EPB41L2: variants seen among roughly 807,000 people sequenced by gnomAD.
The protein encoded by EPB41L2 is band 4.1-like protein 2.
EPB41L2 carries 43 observed loss-of-function variants against 113.0 expected under a neutral mutation model. That is an observed-to-expected ratio of 0.38 (90% CI 0.30 to 0.49). The LOEUF (loss-of-function observed/expected upper bound fraction) is 0.49, where lower values mean the gene tolerates loss of function less well. Among genes scored for constraint, EPB41L2 ranks in the 20% least tolerant of loss-of-function variants. The pLI is 0.95. For missense variants in EPB41L2, 1,147 were observed against 1,223.4 expected, an observed-to-expected ratio of 0.94 and a Z score of 0.93; for synonymous variants, 442 against 436.7, an observed-to-expected ratio of 1.01 and a Z score of -0.15.
At chr6:130,917,497 A>G (rs899203063) in intron 4 of EPB41L2, among the ~76,000 whole-genome samples, 6 of 152,116 alleles carry the variant, frequency 3.9e-5, no homozygotes, top group African/African-American at 1.4e-4. Flanking sequence ...CCTGCCTTCA[A>G]CAAGAATCCT....
chr6:130,869,564 T>C lies in EPB41L2; in HGVS notation c.2606A>G (p.Glu869Gly). ...DVLPQIICCSEPPVVKTEMVT... is the reference protein window; with the variant it reads ...DVLPQIICCSGPPVVKTEMVT... ...CTCCCACCTGGGACTCCCATTTACC[T>C]CTGAACAACAAATAATTTGTGGCAA... is the stretch of plus-strand genomic sequence containing the variant. The change falls in exon 15 of 20, where the codon GAG becomes GGG. Residue 869 changes from glutamate to glycine, a missense_variant and splice_region_variant. Glu to Gly is a moderately conservative substitution (Grantham distance 98). Transcript: ENST00000337057. 2 of 1,613,636 alleles carry C rather than the reference T, an allele frequency of 1.2e-6. No homozygotes were observed. Among genetic ancestry groups the C allele is most frequent in the Non-Finnish European group, 8.5e-7 (1 of 1,179,714 alleles).
intron 1 of EPB41L2, among the ~76,000 whole-genome samples, chr6:130,960,762 C>G (rs773203552): frequency 6.6e-6 from 1 of 152,134 alleles, no homozygotes; most frequent in Non-Finnish European, 1.5e-5. Flanking sequence ...CATCCACTCA[C>G]CCTAATTATC....
intron 3 of EPB41L2, among the ~76,000 whole-genome samples, chr6:130,951,099 A>G (rs956794999): frequency 2.0e-5 from 3 of 151,946 alleles, no homozygotes; most frequent in Non-Finnish European, 4.4e-5. Context: ...TCTACCAAAA[A>G]TACAAAAATT....
rs1775066554 is a variant in EPB41L2, at chr6:130,840,276, G to GA, written c.*327_*328insT. ...CTTTGTTCACTGTCATTTGATCAAA[G>GA]TGAGTCATTAAAAGCAGGTAGTTGC... On this transcript the variant is annotated 3_prime_UTR_variant, in exon 20 of 20. Coordinates refer to ENST00000337057, the MANE Select transcript of EPB41L2 (RefSeq NM_001431.4). 6.6e-6 allele frequency: 1 copy of GA among 152,570 alleles called. No homozygotes were observed. Among genetic ancestry groups the GA allele is most frequent in the Admixed American group, 6.5e-5 (1 of 15,272 alleles). The allele number at this position is 152,570 out of a possible 1,614,324, so 9.5% of individuals were successfully genotyped here.
chr6:130,951,250 C>T (rs1814836453), intron 3 of EPB41L2, among the ~76,000 whole-genome samples: 1 of 97,808 alleles, frequency 1.0e-5, no homozygotes. Flanking sequence ...GAGCAACTGT[C>T]TCCAAAAAAA....
At chr6:130,945,953 A>G (rs1812664401) in intron 3 of EPB41L2, among the ~76,000 whole-genome samples, 1 of 152,168 alleles carries the variant, frequency 6.6e-6, no homozygotes, top group Non-Finnish European at 1.5e-5. Flanking sequence ...AGAGACACCC[A>G]AAAATTCTCT....
intron 18 of EPB41L2, among the ~76,000 whole-genome samples, chr6:130,860,572 G>A (rs1199428734): frequency 4.6e-5 from 7 of 151,916 alleles, no homozygotes; most frequent in East Asian, 1.9e-4. Flanking sequence ...TCGCTCTGTC[G>A]CCCAGGCTGG....
At chr6:131,037,281 T>C (rs2128178580) in intron 1 of EPB41L2, among the ~76,000 whole-genome samples, 1 of 152,298 alleles carries the variant, frequency 6.6e-6, no homozygotes, top group South Asian at 2.1e-4. Flanking sequence ...AAAATTTATA[T>C]AAGCGGAGAA....
At chr6:131,027,440 T>C (rs904983105) in intron 1 of EPB41L2, among the ~76,000 whole-genome samples, 6 of 152,006 alleles carry the variant, frequency 3.9e-5, no homozygotes, top group Non-Finnish European at 8.8e-5. Context: ...GGCCCCAACA[T>C]AGCTGTTATA....
chr6:131,006,218 G>C (rs2128719419), intron 1 of EPB41L2, among the ~76,000 whole-genome samples: 1 of 151,700 alleles, frequency 6.6e-6, no homozygotes, highest in Non-Finnish European at 1.5e-5. Context: ...CACCACACTA[G>C]GGTAATTTTG....
intron 1 of EPB41L2, among the ~76,000 whole-genome samples, chr6:130,997,747 A>G (rs1011698524): frequency 6.6e-6 from 1 of 152,194 alleles, no homozygotes; most frequent in Non-Finnish European, 1.5e-5. Context: ...GGACTATTGC[A>G]TTTCAGGGGG....
At chr6:130,918,177 A>T (rs1647324679) in intron 4 of EPB41L2, among the ~76,000 whole-genome samples, 1 of 152,186 alleles carries the variant, frequency 6.6e-6, no homozygotes, top group Admixed American at 6.5e-5. Context: ...TTTATTAAAG[A>T]ATAGTTTATA....
At chr6:130,878,081 C>T in intron 14 of EPB41L2, 23 bp downstream of exon 14, 3 of 1,555,116 alleles carry the variant, frequency 1.9e-6, no homozygotes, top group Non-Finnish European at 2.6e-6. Context: ...TGAGACAGAG[C>T]CAACAAATAG....
intron 1 of EPB41L2, among the ~76,000 whole-genome samples, chr6:131,041,115 T>A (rs1243572140): frequency 6.6e-6 from 1 of 152,180 alleles, no homozygotes; most frequent in Non-Finnish European, 1.5e-5. Context: ...CGGGAATGAC[T>A]GGAGAGACTT....
chr6:131,024,056 T>C (rs114397206), intron 1 of EPB41L2, among the ~76,000 whole-genome samples: 61 of 152,008 alleles, frequency 4.0e-4, no homozygotes, highest in African/African-American at 1.4e-3. Context: ...TGGAAACACA[T>C]AATTTTACAG....
chr6:130,994,846 C>T (rs533444590), intron 1 of EPB41L2, among the ~76,000 whole-genome samples: 6 of 152,158 alleles, frequency 3.9e-5, no homozygotes, highest in Non-Finnish European at 4.4e-5. Context: ...AAAGCGTATC[C>T]GATTGCCTCC....
At chr6:131,052,172 G>A (rs1796698029) in intron 1 of EPB41L2, among the ~76,000 whole-genome samples, 1 of 152,002 alleles carries the variant, frequency 6.6e-6, no homozygotes, top group African/African-American at 2.4e-5. Context: ...CCTGACCTCA[G>A]GCAATCCAAC....
At chr6:130,878,054 T>G in intron 14 of EPB41L2, 50 bp downstream of exon 14, 1 of 1,501,698 alleles carries the variant, frequency 6.7e-7, no homozygotes, top group Non-Finnish European at 8.9e-7. Flanking sequence ...AATTTAAGTT[T>G]TATTGAGCAA....
At chr6:131,026,244 G>A (rs1266209003) in intron 1 of EPB41L2, among the ~76,000 whole-genome samples, 2 of 152,134 alleles carry the variant, frequency 1.3e-5, no homozygotes, top group Non-Finnish European at 1.5e-5. Context: ...GAAATAACAA[G>A]GAATTGCTCA....
Sources: allele counts gnomAD v4.1 joint callset (sites outside exome capture counted in the v4.1 genomes callset), GRCh38; gene constraint gnomAD v4.1.1; transcripts MANE v1.5; gene names NCBI Gene and HGNC (gene_info 2026-07-23, HGNC 2026-07-21).